Variants in PLCB4 observed in about 807,000 individuals in gnomAD.
The protein encoded by PLCB4 is phospholipase C beta 4, also known as 1-phosphatidylinositol 4,5-bisphosphate phosphodiesterase beta-4.
A neutral mutation model predicts 178.8 loss-of-function variants in PLCB4; 77 were observed. The ratio of observed to expected loss-of-function variants is 0.43; its 90% CI spans 0.36 to 0.52. PLCB4 has a LOEUF of 0.52. Among genes scored for constraint, PLCB4 ranks in the 20% least tolerant of loss-of-function variants. PLCB4 has a pLI of 0.00. For missense variants in PLCB4, 1,024 were observed against 1,453.4 expected, an observed-to-expected ratio of 0.70 and a Z score of 4.80; for synonymous variants, 496 against 490.8, an observed-to-expected ratio of 1.01 and a Z score of -0.14.
intron 3 of PLCB4, among the ~76,000 whole-genome samples, chr20:9,263,675 T>G (rs1415254675): frequency 6.6e-6 from 1 of 152,206 alleles, no homozygotes. Flanking sequence ...CTAATTTGTT[T>G]TGGCCAAGCT....
intron 35 of PLCB4, among the ~76,000 whole-genome samples, chr20:9,462,128 G>A (rs1303302720): frequency 6.6e-6 from 1 of 152,184 alleles, no homozygotes; most frequent in African/African-American, 2.4e-5. Context: ...AACAGGGTCT[G>A]GAGTGGACCT....
chr20:9,277,649 G>A (rs1171725116), intron 3 of PLCB4, among the ~76,000 whole-genome samples: 1 of 151,934 alleles, frequency 6.6e-6, no homozygotes, highest in Non-Finnish European at 1.5e-5. Flanking sequence ...TCCTTCTGGT[G>A]AGACCAGTAT....
chr20:9,349,947 T>C (rs1378475686), intron 7 of PLCB4, among the ~76,000 whole-genome samples: 5 of 152,166 alleles, frequency 3.3e-5, no homozygotes, highest in African/African-American at 9.7e-5. Flanking sequence ...AAAAACTGGA[T>C]GGCATGAAGA....
At chr20:9,139,431 A>G (rs1314243749) in intron 2 of PLCB4, among the ~76,000 whole-genome samples, 1 of 152,050 alleles carries the variant, frequency 6.6e-6, no homozygotes, top group Admixed American at 6.6e-5. Flanking sequence ...TGTTTATTGG[A>G]TGGGAGTTCA....
chr20:9,071,969 TATGCAAAATTAGGTC>T (rs2089596878), intron 1 of PLCB4, among the ~76,000 whole-genome samples: 1 of 152,238 alleles, frequency 6.6e-6, no homozygotes, highest in Admixed American at 6.5e-5. Context: ...CTGTATTTGA[TATGCAAAATTAGGTC>T]AAGGACTAAT....
chr20:9,083,639 C>A lies in PLCB4; in HGVS notation c.-134-12648C>A, dbSNP rs1051128279. 1.2e-4 allele frequency among the ~76,000 whole-genome samples: 19 copies of A among 152,204 alleles called. 1 individual carries two copies. The highest frequency in any genetic ancestry group is 9.8e-4 in the Admixed American group (15 of 15,284). On this transcript the variant is annotated intron_variant, in intron 1 of 39. Transcript: ENST00000378473. The stretch of plus-strand genomic sequence containing the variant: ...CAGGTTAGGTATAATTACGACCATT[C>A]GATACTAAGAAAACTGAGTGATTAC...
intron 2 of PLCB4, among the ~76,000 whole-genome samples, chr20:9,129,368 TTTCCCCGAG>T (rs2092215837): frequency 6.6e-6 from 1 of 152,178 alleles, no homozygotes; most frequent in Admixed American, 6.5e-5. Context: ...ATTCTTCACA[TTTCCCCGAG>T]TTCCCCAGTG....
chr20:9,083,456 A>G (rs1366054268), intron 1 of PLCB4, among the ~76,000 whole-genome samples: 1 of 149,894 alleles, frequency 6.7e-6, no homozygotes, highest in Admixed American at 6.7e-5. Flanking sequence ...CAATTCTTTG[A>G]TATTTTTGTC....
intron 7 of PLCB4, among the ~76,000 whole-genome samples, chr20:9,355,319 G>A (rs977173324): frequency 2.6e-5 from 4 of 150,952 alleles, no homozygotes; most frequent in Admixed American, 6.6e-5. Flanking sequence ...TATACTTCAC[G>A]TTTTAGGGTA....
At chr20:9,308,676 A>C (rs747873686) in intron 4 of PLCB4, among the ~76,000 whole-genome samples, 4 of 152,190 alleles carry the variant, frequency 2.6e-5, no homozygotes, top group Non-Finnish European at 2.9e-5. Flanking sequence ...ATCTTCCCAG[A>C]GATCCAGATT....
intron 2 of PLCB4, among the ~76,000 whole-genome samples, chr20:9,107,209 A>G (rs982442977): frequency 6.6e-6 from 1 of 152,166 alleles, no homozygotes; most frequent in South Asian, 2.1e-4. Context: ...TTCAACAATT[A>G]TGGATTATAC....
intron 3 of PLCB4, among the ~76,000 whole-genome samples, chr20:9,231,422 T>C (rs1007123117): frequency 6.6e-6 from 1 of 152,104 alleles, no homozygotes; most frequent in African/African-American, 2.4e-5. Context: ...TTATGCTGCA[T>C]ATAAACCCTC....
chr20:9,091,923 C>T (rs1322367427), intron 1 of PLCB4, among the ~76,000 whole-genome samples: 1 of 151,992 alleles, frequency 6.6e-6, no homozygotes, highest in East Asian at 1.9e-4. Flanking sequence ...TTTGTCAATA[C>T]TTGTTACTGG....
chr20:9,185,123 G>A (rs1265809274), intron 2 of PLCB4, among the ~76,000 whole-genome samples: 2 of 152,044 alleles, frequency 1.3e-5, no homozygotes, highest in Non-Finnish European at 2.9e-5. Context: ...GGTTGGTCTC[G>A]AACTTCTGGC....
At chr20:9,371,167 A>G (rs1268732186) in intron 9 of PLCB4, 47 bp from the exon 10 acceptor site, 1 of 1,193,012 alleles carries the variant, frequency 8.4e-7, no homozygotes, top group Non-Finnish European at 1.3e-6. Flanking sequence ...CAGAGAAAAC[A>G]TAATGAACAA....
intron 4 of PLCB4, among the ~76,000 whole-genome samples, chr20:9,324,980 A>G (rs943983427): frequency 1.3e-5 from 2 of 152,210 alleles, no homozygotes; most frequent in African/African-American, 4.8e-5. Flanking sequence ...AGCATTGTCT[A>G]TTATCTCCAT....
intron 1 of PLCB4, among the ~76,000 whole-genome samples, chr20:9,071,496 T>G (rs1052116184): frequency 1.3e-5 from 2 of 152,204 alleles, no homozygotes; most frequent in Non-Finnish European, 2.9e-5. Flanking sequence ...GTGATCACAT[T>G]AGCATGCTAA....
intron 24 of PLCB4, among the ~76,000 whole-genome samples, chr20:9,409,472 C>G (rs926490499): frequency 1.1e-4 from 17 of 151,902 alleles, no homozygotes; most frequent in Non-Finnish European, 2.4e-4. Context: ...ATTTTTCTTC[C>G]TTTTGGATCA....
chr20:9,331,131 C>CT (rs1209663672), intron 4 of PLCB4, among the ~76,000 whole-genome samples: 3 of 152,188 alleles, frequency 2.0e-5, no homozygotes, highest in Admixed American at 6.5e-5. Context: ...GAACCAACCA[C>CT]TACAAGGCCT....
Sources: allele counts gnomAD v4.1 joint callset (sites outside exome capture counted in the v4.1 genomes callset), GRCh38; gene constraint gnomAD v4.1.1; transcripts MANE v1.5; gene names NCBI Gene and HGNC (gene_info 2026-07-23, HGNC 2026-07-21).